THSD7B: variants seen among roughly 807,000 people sequenced by gnomAD.
The protein encoded by THSD7B is thrombospondin type-1 domain-containing protein 7B.
THSD7B carries 138 observed loss-of-function variants against 213.6 expected under a neutral mutation model. That is an observed-to-expected ratio of 0.65 (90% CI 0.56 to 0.74). THSD7B has a LOEUF of 0.74. Ranked by LOEUF, THSD7B falls within the 30% of genes least tolerant of loss-of-function variation. THSD7B has a pLI of 0.00. For missense variants in THSD7B, 1,931 were observed against 1,991.5 expected, an observed-to-expected ratio of 0.97 and a Z score of 0.58; for synonymous variants, 742 against 687.0, an observed-to-expected ratio of 1.08 and a Z score of -1.25.
intron 10 of THSD7B, among the ~76,000 whole-genome samples, chr2:137,252,350 G>A (rs10195304): frequency 2.7e-5 from 4 of 149,826 alleles, no homozygotes; most frequent in Non-Finnish European, 5.9e-5. Context: ...CCAAATGTAA[G>A]AAAAAAAACC....
At chr2:137,156,576 A>G (rs1385010782) in intron 5 of THSD7B, among the ~76,000 whole-genome samples, 1 of 152,166 alleles carries the variant, frequency 6.6e-6, no homozygotes, top group African/African-American at 2.4e-5. Flanking sequence ...ACAGTTAAGT[A>G]TTTATCAAAG....
intron 5 of THSD7B, among the ~76,000 whole-genome samples, chr2:137,151,054 G>A (rs1163840343): frequency 6.6e-6 from 1 of 152,114 alleles, no homozygotes; most frequent in Non-Finnish European, 1.5e-5. Flanking sequence ...TGAAGGCCTA[G>A]GATGTTACTG....
chr2:137,272,733 T>C (rs1573925687), intron 11 of THSD7B, 71 bp downstream of exon 11: 1 of 1,511,900 alleles, frequency 6.6e-7, no homozygotes, highest in Non-Finnish European at 8.9e-7. Context: ...TCACATAACA[T>C]ATGGTCGTTT....
chr2:136,800,446 A>G (rs1302847860), intron 1 of THSD7B, among the ~76,000 whole-genome samples: 1 of 151,966 alleles, frequency 6.6e-6, no homozygotes, highest in Non-Finnish European at 1.5e-5. Context: ...CGAATATTTC[A>G]TAGTATCTTC....
At chr2:137,648,302 T>G (rs184570160) in intron 21 of THSD7B, among the ~76,000 whole-genome samples, 60 of 152,274 alleles carry the variant, frequency 3.9e-4, no homozygotes, top group African/African-American at 1.4e-3. Context: ...ACCCTACTGA[T>G]CTATCAAATA....
At chr2:137,087,805 A>G (rs1407743998) in intron 3 of THSD7B, among the ~76,000 whole-genome samples, 1 of 152,214 alleles carries the variant, frequency 6.6e-6, no homozygotes, top group African/African-American at 2.4e-5. Context: ...AAACAATTCT[A>G]AAATTCATAT....
At chr2:136,980,880 C>T (rs1245739434) in intron 2 of THSD7B, among the ~76,000 whole-genome samples, 2 of 152,220 alleles carry the variant, frequency 1.3e-5, no homozygotes, top group African/African-American at 4.8e-5. Context: ...TCCCCTTGCT[C>T]CATGTGGCTC....
chr2:136,815,762 G>T (rs1193899087), intron 1 of THSD7B, among the ~76,000 whole-genome samples: 1 of 152,170 alleles, frequency 6.6e-6, no homozygotes, highest in East Asian at 1.9e-4. Context: ...GGAAGATCCA[G>T]GATATGTCAA....
At chr2:137,661,991 A>G (rs1683353198) in intron 25 of THSD7B, among the ~76,000 whole-genome samples, 1 of 151,824 alleles carries the variant, frequency 6.6e-6, no homozygotes, top group Non-Finnish European at 1.5e-5. Context: ...AGCACGGTTG[A>G]GCCCATTTGC....
chr2:137,469,012 C>T (rs1014757163), intron 15 of THSD7B, among the ~76,000 whole-genome samples: 1 of 152,052 alleles, frequency 6.6e-6, no homozygotes, highest in Admixed American at 6.6e-5. Flanking sequence ...TTGATTAGGC[C>T]ATGTCTATAT....
At chr2:137,558,536 A>G (rs1681035871) in intron 15 of THSD7B, among the ~76,000 whole-genome samples, 1 of 152,216 alleles carries the variant, frequency 6.6e-6, no homozygotes, top group Non-Finnish European at 1.5e-5. Context: ...AAAACTCTCA[A>G]TAAACTAGAT....
chr2:137,495,363 C>T (rs1679536593), intron 15 of THSD7B, among the ~76,000 whole-genome samples: 1 of 152,068 alleles, frequency 6.6e-6, no homozygotes, highest in South Asian at 2.1e-4. Context: ...CCACTTTACC[C>T]ACCTGAACCC....
intron 27 of THSD7B, among the ~76,000 whole-genome samples, chr2:137,671,463 T>C (rs1469617972): frequency 9.6e-5 from 2 of 20,846 alleles, no homozygotes; most frequent in African/African-American, 2.2e-4. Flanking sequence ...TTTAATTGAC[T>C]CAACAGTTCT....
At chr2:136,811,006 G>A (rs1013200615) in intron 1 of THSD7B, among the ~76,000 whole-genome samples, 4 of 152,154 alleles carry the variant, frequency 2.6e-5, no homozygotes, top group Admixed American at 1.3e-4. Flanking sequence ...TACAAGTTGC[G>A]TGAATGGAAC....
At chr2:137,251,609 T>C (rs914204653) in intron 10 of THSD7B, among the ~76,000 whole-genome samples, 1 of 152,164 alleles carries the variant, frequency 6.6e-6, no homozygotes, top group African/African-American at 2.4e-5. Context: ...AAATGCAAAA[T>C]TGTGGTCATG....
chr2:137,084,296 A>C (rs1159197789), intron 3 of THSD7B, among the ~76,000 whole-genome samples: 1 of 152,180 alleles, frequency 6.6e-6, no homozygotes, highest in East Asian at 1.9e-4. Flanking sequence ...AAGAAAAAAT[A>C]TAATAAAGGA....
chr2:137,366,496 G>T (rs890054102), intron 12 of THSD7B, among the ~76,000 whole-genome samples: 4 of 151,942 alleles, frequency 2.6e-5, no homozygotes, highest in African/African-American at 9.7e-5. Context: ...TCAAATAAGA[G>T]AATATCTGTG....
chr2:137,048,359 A>T (rs1428443679), intron 2 of THSD7B, among the ~76,000 whole-genome samples: 2 of 151,986 alleles, frequency 1.3e-5, no homozygotes, highest in Non-Finnish European at 2.9e-5. Flanking sequence ...TATTCCTTTG[A>T]AAAAAAATGA....
intron 1 of THSD7B, among the ~76,000 whole-genome samples, chr2:136,825,616 G>A (rs1051663000): frequency 5.3e-5 from 8 of 151,816 alleles, no homozygotes; most frequent in Admixed American, 4.6e-4. Context: ...GTGCAGTGGC[G>A]CGATCTTGGC....
Sources: allele counts gnomAD v4.1 joint callset (sites outside exome capture counted in the v4.1 genomes callset), GRCh38; gene constraint gnomAD v4.1.1; transcripts MANE v1.5; gene names NCBI Gene and HGNC (gene_info 2026-07-23, HGNC 2026-07-21).